TRO: variants seen among roughly 807,000 people sequenced by gnomAD.
TRO encodes the protein MAGE superfamily protein.
Under a neutral mutation model 42.3 loss-of-function variants are expected in TRO, and 29 were observed. The observed-to-expected ratio is 0.68, with a 90% CI of 0.51 to 0.93. The LOEUF is 0.93. Ranked by LOEUF, TRO falls within the 40% of genes least tolerant of loss-of-function variation. TRO has a pLI of 0.00. For synonymous variants in TRO, 384 were observed against 425.2 expected (o/e 0.90, Z 1.19); for missense variants, 963 against 1,127.7 (o/e 0.85, Z 2.09).
At position 54,922,874 on chromosome X, in the gene TRO, G is replaced by A; in HGVS notation, c.342G>A (p.Gln114=). The A allele has an allele frequency of 8.3e-7, 1 of 1,211,483 alleles. No homozygotes were observed. ...WQALNLPVIT[Q]ISQALPTTEV... ...CTTTAAACCTGCCAGTCATTACCCA[G>A]ATCAGCCAGGCTTTACCTACCACTG... Residue 114 remains glutamine (Q), a synonymous_variant, in exon 3 of 13, where the codon CAG becomes CAA. Transcript: ENST00000173898.
Position 54,922,207 on chromosome X carries a change from A to G in TRO, c.-40A>G. ...CCCTCTCATTCTCTAACTCAGGCCC[A>G]TTCCCCTCAGGCTCACCTGTTACTC... On this transcript the variant is annotated 5_prime_UTR_variant, in exon 2 of 13. Transcript: ENST00000173898. The G allele has an allele frequency of 8.4e-7, 1 of 1,196,715 alleles. No homozygotes were observed. Among genetic ancestry groups the G allele is most frequent in the East Asian group, 3.0e-5 (1 of 33,666 alleles).
chrX:54,925,061 T>C lies in TRO; in HGVS notation c.1478T>C (p.Leu493Pro), dbSNP rs762265596. 1.7e-6 allele frequency: 2 copies of C among 1,210,475 alleles called. No homozygotes were observed. The highest frequency in any genetic ancestry group is 4.4e-5 in the Admixed American group (2 of 45,966). The part of the protein sequence containing the change: ...PEIIERASYT[L>P]EKMFRVNLKE... ...ATCATTGAACGAGCAAGCTACACTC[T>C]GGAGAAGGTGAAGGGGCAGTGCTGG... Residue 493 changes from leucine to proline, a missense_variant, in exon 6 of 13, where the codon CTG (leucine) becomes CCG (proline). By Grantham distance (98) the Leu-to-Pro change is moderately conservative (BLOSUM62 -3). This residue lies in a region of TRO where 641 missense variants were observed against 811.3 expected (regional missense o/e 0.79). Transcript: ENST00000173898.
At chrX:54,924,177 A>C (rs981821137) in intron 3 of TRO, among the ~76,000 whole-genome samples, 1 of 112,129 alleles carries the variant, frequency 8.9e-6, no homozygotes, top group Non-Finnish European at 1.9e-5. Flanking sequence ...ACCAGCCAGC[A>C]TAATTGGTGG....
At chrX:54,922,179 C>T (rs1569545971) in intron 1 of TRO, 24 bp from the exon 2 acceptor site, 1 of 1,117,069 alleles carries the variant, frequency 9.0e-7, no homozygotes, top group Non-Finnish European at 1.2e-6. Context: ...TGAATCTCCC[C>T]CTCCCTCTCA....
chrX:54,928,105 C>G (rs1932832248), intron 11 of TRO, among the ~76,000 whole-genome samples: 2 of 112,573 alleles, frequency 1.8e-5, no homozygotes, highest in Non-Finnish European at 3.8e-5. Flanking sequence ...GTTGAAGGCT[C>G]TCTTCCTGGC....
At chrX:54,926,845 A>G (rs1932783205) in intron 9 of TRO, 198 bp from the exon 10 acceptor site, 1 of 631,751 alleles carries the variant, frequency 1.6e-6, no homozygotes, top group Non-Finnish European at 2.4e-6. Flanking sequence ...CTGAGATGTT[A>G]GATAGACCTT....
At position 54,922,756 on chromosome X, in the gene TRO, C is replaced by T; in HGVS notation, c.224C>T (p.Pro75Leu). 1.2e-5 allele frequency: 14 copies of T among 1,204,138 alleles called. No homozygotes were observed. Among genetic ancestry groups the T allele is most frequent in the Non-Finnish European group, 1.6e-5 (14 of 891,375 alleles). ...AAGAAAAGCAAGACCAAGAAGGCCC[C>T]TATAAAGACTATTACTAAGGCTGCA... is the stretch of plus-strand genomic sequence containing the variant. ...RPKKSKTKKA[P>L]IKTITKAAPA... Residue 75 changes from proline to leucine, a missense_variant, in exon 3 of 13, where the codon CCT (proline) becomes CTT (leucine). Physicochemically the swap from Pro to Leu is moderately conservative, Grantham distance 98. Around this residue, in one of 2 missense-constraint regions of TRO, gnomAD observed 322 missense variants for 316.5 expected, o/e 1.02. Coordinates refer to ENST00000173898, the MANE Select transcript of TRO (RefSeq NM_001039705.3).
At position 54,926,576 on chromosome X, in the gene TRO, C is replaced by T; in HGVS notation, c.1658-7C>T. On this transcript the variant is annotated splice_polypyrimidine_tract_variant and splice_region_variant and intron_variant, in intron 8 of 12. Transcript: ENST00000173898. Reference sequence around the variant, plus strand: ...CTGTCCCTGTCTCCTCTTGCCTCCCCTCACAGCTGTCATCTGGGAGGTGCT... The same window carrying T: ...CTGTCCCTGTCTCCTCTTGCCTCCCTTCACAGCTGTCATCTGGGAGGTGCT... 2 of 1,212,126 alleles carry T rather than the reference C, an allele frequency of 1.6e-6. No individual in the cohort carries two copies. Among genetic ancestry groups the T allele is most frequent in the Non-Finnish European group, 2.2e-6 (2 of 895,620 alleles).
In TRO at chrX:54,930,338, C is replaced by A. The variant is rs1474822572; in HGVS notation, c.3614C>A (p.Thr1205Asn). The change falls in exon 12 of 13, where the codon ACC becomes AAC. Residue 1205 changes from threonine to asparagine, a missense_variant. Coordinates refer to ENST00000173898, the MANE Select transcript of TRO (RefSeq NM_001039705.3). ...TGFSFGNGLS[T>N]NAGFGGGLNT... is the part of the protein sequence containing the mutation. ...TTCAGCTTTGGCAATGGGTTAAGCA[C>A]CAATGCTGGATTTGGTGGTGGACTG... 1.2e-5 allele frequency: 15 copies of A among 1,211,161 alleles called. No homozygotes were observed. Among genetic ancestry groups the A allele is most frequent in the Non-Finnish European group, 1.7e-5 (15 of 895,459 alleles).
rs1932579810 is a variant in TRO at position 54,925,036 on chromosome X, A to G, written c.1453A>G (p.Ile485Val). 8.3e-7 allele frequency: 1 copy of G among 1,210,349 alleles called. No homozygotes were observed. The highest frequency in any genetic ancestry group is 1.7e-5 in the African/African-American group (1 of 57,409). Residue 485 changes from isoleucine (I) to valine (V), a missense_variant, in exon 6 of 13, where the codon ATC becomes GTC. Coordinates refer to ENST00000173898, the MANE Select transcript of TRO (RefSeq NM_001039705.3). ...IQEYDEYFPE[I>V]IERASYTLEK... ...AGAATATGATGAATATTTCCCAGAA[A>G]TCATTGAACGAGCAAGCTACACTCT...
In TRO at chrX:54,923,320, C is replaced by A; in HGVS notation, c.788C>A (p.Thr263Lys). ...AAGAAAGCCTCCAAAGCCAGGAAGA[C>A]AATTGCTAAGGTCATAAATACTGAC... ...RTKKASKARKTIAKVINTDTE... is the reference protein window; with the variant it reads ...RTKKASKARKKIAKVINTDTE... The change falls in exon 3 of 13, where the codon ACA (threonine) becomes AAA (lysine). Residue 263 changes from threonine to lysine, a missense_variant. By Grantham distance (78) the Thr-to-Lys change is moderately conservative. Transcript: ENST00000173898. 1 of 1,210,807 alleles carries A rather than the reference C, an allele frequency of 8.3e-7. No homozygotes were observed. Among genetic ancestry groups the A allele is most frequent in the Non-Finnish European group, 1.1e-6 (1 of 895,048 alleles).
chrX:54,922,359 C>A, intron 2 of TRO, 68 bp downstream of exon 2: 1 of 1,110,861 alleles, frequency 9.0e-7, no homozygotes, highest in Non-Finnish European at 1.2e-6. Context: ...CTCTTCAGAC[C>A]CCTTCCACCG....
chrX:54,923,189 C>T lies in TRO; in HGVS notation c.657C>T (p.Ala219=), dbSNP rs772608390. 5 of 1,211,692 alleles carry T rather than the reference C, an allele frequency of 4.1e-6. No homozygotes were observed. The South Asian group carries it at 7.0e-5, about 17-fold the overall frequency. Residue 219 remains alanine, a synonymous_variant, in exon 3 of 13, where the codon GCC becomes GCT. Transcript: ENST00000173898. ...KKAANKAIAS[A]TEVSLAATAT... ...CTGCAAATAAGGCCATAGCTAGTGC[C>T]ACCGAGGTCTCGCTGGCTGCAACTG...
intron 3 of TRO, chrX:54,924,041 G>T (rs955466642): frequency 5.3e-6 from 2 of 375,733 alleles, no homozygotes; most frequent in African/African-American, 5.1e-5. Context: ...CTTTGTGTTG[G>T]GTACAGTTAC....
At chrX:54,921,963 T>C (rs1468519673) in intron 1 of TRO, 3 of 280,509 alleles carry the variant, frequency 1.1e-5, no homozygotes, top group Non-Finnish European at 1.8e-5. Context: ...GGGGCGCCTC[T>C]AGTCGGTGCG....
chrX:54,922,037 C>A (rs1345921521), intron 1 of TRO, 166 bp from the exon 2 acceptor site: 3 of 391,091 alleles, frequency 7.7e-6, no homozygotes, highest in Non-Finnish European at 1.3e-5. Context: ...CTGACTCTCT[C>A]GGAGGCAAAA....
Position 54,926,394 on chromosome X carries a change from C to T in TRO, c.1578-16C>T. 3.3e-6 allele frequency: 4 copies of T among 1,201,274 alleles called. No individual in the cohort carries two copies. Among genetic ancestry groups the T allele is most frequent in the Non-Finnish European group, 4.5e-6 (4 of 887,222 alleles). On this transcript the variant is annotated splice_polypyrimidine_tract_variant and intron_variant, in intron 7 of 12. Transcript: ENST00000173898. Reference sequence around the variant, plus strand: ...GTTGAAACATAAACCTTCTTTCTGTCCTGTTATTCCCTTAGGACCAAGGAC... The same window carrying T: ...GTTGAAACATAAACCTTCTTTCTGTTCTGTTATTCCCTTAGGACCAAGGAC...
rs754288688 is a variant in TRO, at chrX:54,922,293, T to C, written c.45+2T>C. ...GGATATAGGGTGCCTCTATTTCAGGTGAGGCCTCTCTGCATTCTCTCTAGG... is the reference window on the plus strand; with the variant it reads ...GGATATAGGGTGCCTCTATTTCAGGCGAGGCCTCTCTGCATTCTCTCTAGG... On this transcript the variant is annotated splice_donor_variant, in intron 2 of 12. Coordinates refer to ENST00000173898, the MANE Select transcript of TRO (RefSeq NM_001039705.3). LOFTEE classifies it high-confidence loss of function. 2.5e-6 allele frequency: 3 copies of C among 1,205,976 alleles called. No individual in the cohort carries two copies. Among genetic ancestry groups the C allele is most frequent in the African/African-American group, 3.5e-5 (2 of 57,010 alleles).
intron 3 of TRO, 103 bp downstream of exon 3, chrX:54,923,871 C>G: frequency 2.3e-6 from 2 of 866,636 alleles, no homozygotes; most frequent in South Asian, 5.3e-5. Flanking sequence ...TGAGCTAGTC[C>G]CTGTGTTCAG....
Sources: gnomAD v4.1 joint callset for allele counts (sites outside exome capture counted in the v4.1 genomes callset) on GRCh38, gnomAD v4.1.1 for gene constraint, gnomAD v4.1.1 regional missense constraint, MANE v1.5 for transcripts, NCBI Gene and HGNC (gene_info 2026-07-23, HGNC 2026-07-21) for gene names.